NRP1: variants seen among roughly 807,000 people sequenced by gnomAD.
NRP1 encodes the protein neuropilin 1, also known as neuropilin-1.
Under a neutral mutation model 106.7 loss-of-function variants are expected in NRP1, and 35 were observed. The ratio of observed to expected loss-of-function variants is 0.33; its 90% CI spans 0.25 to 0.43. The LOEUF (loss-of-function observed/expected upper bound fraction) is 0.43. Among genes scored for constraint, NRP1 ranks in the 20% least tolerant of loss-of-function variants. The pLI is 1.00. For missense variants in NRP1, 1,024 were observed against 1,170.4 expected (o/e 0.87, Z 1.83); for synonymous variants, 437 against 417.9 (o/e 1.05, Z -0.56).
intron 2 of NRP1, among the ~76,000 whole-genome samples, chr10:33,320,747 C>T (rs1381328554): frequency 6.6e-6 from 1 of 152,188 alleles, no homozygotes; most frequent in East Asian, 1.9e-4. Flanking sequence ...CTAGTGTTTA[C>T]ATGTGCAAAG....
intron 6 of NRP1, among the ~76,000 whole-genome samples, chr10:33,250,741 C>T (rs1221915373): frequency 6.6e-6 from 1 of 152,166 alleles, no homozygotes; most frequent in Non-Finnish European, 1.5e-5. Context: ...ATTATACCTC[C>T]TTCCCAGGAT....
At chr10:33,269,079 G>A (rs981787484) in intron 3 of NRP1, among the ~76,000 whole-genome samples, 12 of 151,942 alleles carry the variant, frequency 7.9e-5, no homozygotes, top group Non-Finnish European at 1.2e-4. Context: ...TTTTTCTATC[G>A]AAACAAGCTT....
At chr10:33,289,422 T>C (rs1449286157) in intron 2 of NRP1, among the ~76,000 whole-genome samples, 4 of 152,202 alleles carry the variant, frequency 2.6e-5, no homozygotes, top group African/African-American at 9.6e-5. Context: ...CAATCTTATC[T>C]GTTTTAGTTT....
intron 4 of NRP1, among the ~76,000 whole-genome samples, chr10:33,257,781 G>A (rs1486390421): frequency 6.6e-6 from 1 of 151,986 alleles, no homozygotes; most frequent in Admixed American, 6.6e-5. Flanking sequence ...CCATTTCCCT[G>A]TCCTGATCAT....
At chr10:33,265,256 T>C (rs972839715) in intron 3 of NRP1, among the ~76,000 whole-genome samples, 7 of 152,238 alleles carry the variant, frequency 4.6e-5, no homozygotes, top group African/African-American at 1.7e-4. Flanking sequence ...CACTTGTGAA[T>C]CAGAGAAGTC....
intron 2 of NRP1, among the ~76,000 whole-genome samples, chr10:33,289,312 C>T (rs1003963396): frequency 6.6e-6 from 1 of 152,110 alleles, no homozygotes; most frequent in African/African-American, 2.4e-5. Context: ...ATGCCAAATA[C>T]TTAGGGGGCT....
chr10:33,304,839 G>C (rs895536698), intron 2 of NRP1, among the ~76,000 whole-genome samples: 1 of 152,194 alleles, frequency 6.6e-6, no homozygotes, highest in Non-Finnish European at 1.5e-5. Context: ...GCTGCTTTTC[G>C]AGGCAGTCTG....
At chr10:33,319,393 T>C (rs926559120) in intron 2 of NRP1, among the ~76,000 whole-genome samples, 5 of 152,004 alleles carry the variant, frequency 3.3e-5, no homozygotes, top group African/African-American at 1.2e-4. Flanking sequence ...TGTAGCTAGC[T>C]AGAGGTTTGT....
intron 2 of NRP1, among the ~76,000 whole-genome samples, chr10:33,279,825 C>T (rs776057495): frequency 4.6e-5 from 7 of 152,132 alleles, no homozygotes; most frequent in Non-Finnish European, 8.8e-5. Context: ...AAAGGGTAGT[C>T]GGGTCCAGGG....
At chr10:33,232,327 A>T (rs1365643271) in intron 6 of NRP1, among the ~76,000 whole-genome samples, 1 of 152,114 alleles carries the variant, frequency 6.6e-6, no homozygotes, top group Non-Finnish European at 1.5e-5. Flanking sequence ...TGCTCTAATC[A>T]CCATTTTCTT....
At chr10:33,288,028 T>G (rs1238249325) in intron 2 of NRP1, among the ~76,000 whole-genome samples, 1 of 152,044 alleles carries the variant, frequency 6.6e-6, no homozygotes, top group Non-Finnish European at 1.5e-5. Context: ...AACCCAAACT[T>G]GGTAAAGAAT....
intron 2 of NRP1, among the ~76,000 whole-genome samples, chr10:33,315,805 G>A (rs1476817250): frequency 6.6e-6 from 1 of 152,210 alleles, no homozygotes; most frequent in Non-Finnish European, 1.5e-5. Context: ...AGGATGATAA[G>A]TAACATTTTG....
rs746072156 is a variant in NRP1, at chr10:33,180,103, A to G, written c.2745T>C (p.Asn915=). The change falls in exon 17 of 17, where the codon AAT becomes AAC. Residue 915 remains asparagine, a synonymous_variant. Transcript: ENST00000374867. ...DGVKLKKDKL[N]TQSTYSEA is the part of the protein sequence containing the mutation. ...ATGCCTCCGAATAAGTACTCTGTGTATTCAGTTTGTCTTTTTTCAACTTCA... is the reference window on the plus strand; with the variant it reads ...ATGCCTCCGAATAAGTACTCTGTGTGTTCAGTTTGTCTTTTTTCAACTTCA... 2.5e-6 allele frequency: 4 copies of G among 1,613,876 alleles called. No individual in the cohort carries two copies. Among genetic ancestry groups the G allele is most frequent in the Non-Finnish European group, 3.4e-6 (4 of 1,180,000 alleles).
intron 2 of NRP1, among the ~76,000 whole-genome samples, chr10:33,297,874 G>T (rs577104107): frequency 6.6e-6 from 1 of 151,754 alleles, no homozygotes; most frequent in Admixed American, 6.6e-5. Flanking sequence ...TGGGGGTATG[G>T]TCTCCTGCCC....
intron 6 of NRP1, among the ~76,000 whole-genome samples, chr10:33,231,705 C>A (rs543530774): frequency 6.6e-6 from 1 of 151,982 alleles, no homozygotes; most frequent in African/African-American, 2.4e-5. Context: ...CCATGACTAC[C>A]GTACAGACAG....
chr10:33,276,346 C>T (rs186825687), intron 2 of NRP1, among the ~76,000 whole-genome samples: 2 of 152,058 alleles, frequency 1.3e-5, no homozygotes, highest in Non-Finnish European at 2.9e-5. Flanking sequence ...CCCACTGGAT[C>T]AATGAGATGC....
In NRP1 at chr10:33,254,202, G is replaced by A; in HGVS notation, c.815-8C>T. On this transcript the variant is annotated splice_region_variant and splice_polypyrimidine_tract_variant and intron_variant, in intron 5 of 16. Coordinates refer to ENST00000374867, the MANE Select transcript of NRP1 (RefSeq NM_003873.7). ...CTTCCATACATTTGAAATCTGAAGG[G>A]AAAAACAGGGCCCACAGTCATCAAA... The A allele has an allele frequency of 6.2e-7, 1 of 1,603,526 alleles. No homozygotes were observed. Among genetic ancestry groups the A allele is most frequent in the South Asian group, 1.1e-5 (1 of 89,020 alleles).
Position 33,334,532 on chromosome 10 carries a change from A to C in NRP1, c.-150T>G, listed in dbSNP as rs184288468. The C allele has an allele frequency of 3.4e-5, 22 of 645,844 alleles. No individual in the cohort carries two copies. Among genetic ancestry groups the C allele is most frequent in the African/African-American group, 1.3e-4 (7 of 52,154 alleles). The allele number at this position is 645,844 out of a possible 1,614,324, so 40.0% of individuals were successfully genotyped here. On this transcript the variant is annotated 5_prime_UTR_variant, in exon 1 of 17. Transcript: ENST00000374867. ...CCGTCTTGGAGAAAAGAAAGCAGCG[A>C]GGCAATGCCTGGATCCGAGAGGAAC...
chr10:33,322,754 A>G (rs1256482135), intron 2 of NRP1, among the ~76,000 whole-genome samples: 1 of 152,200 alleles, frequency 6.6e-6, no homozygotes, highest in Admixed American at 6.5e-5. Flanking sequence ...TGCTTATTTA[A>G]TCTGAACTTA....
Sources: gnomAD v4.1 joint callset for allele counts (sites outside exome capture counted in the v4.1 genomes callset) on GRCh38, gnomAD v4.1.1 for gene constraint, MANE v1.5 for transcripts, NCBI Gene and HGNC (gene_info 2026-07-23, HGNC 2026-07-21) for gene names.